Variants in FHOD3 observed in about 807,000 individuals in gnomAD.
FHOD3 encodes FH1/FH2 domain-containing protein 3.
In FHOD3, 90 loss-of-function variants were observed where a neutral mutation model predicts 173.0. That is an observed-to-expected ratio of 0.52 (90% CI 0.44 to 0.62). The LOEUF is 0.62. Among genes scored for constraint, FHOD3 ranks in the 20% least tolerant of loss-of-function variants. The probability of loss-of-function intolerance (pLI) is 0.00; values close to 1 mark genes in which losing one functional copy is unlikely to be tolerated. For synonymous variants in FHOD3, 828 were observed against 823.0 expected, an observed-to-expected ratio of 1.01 and a Z score of -0.10; for missense variants, 1,945 against 2,034.7, an observed-to-expected ratio of 0.96 and a Z score of 0.85.
chr18:36,725,739 A>G (rs948439462), intron 19 of FHOD3, among the ~76,000 whole-genome samples: 1 of 152,188 alleles, frequency 6.6e-6, no homozygotes, highest in Non-Finnish European at 1.5e-5. Context: ...TTCACTCGCC[A>G]TATCGGTTTG....
chr18:36,543,685 G>T (rs529534867), intron 5 of FHOD3, among the ~76,000 whole-genome samples: 21 of 152,272 alleles, frequency 1.4e-4, no homozygotes, highest in Admixed American at 1.0e-3. Flanking sequence ...CAAGCCCCGC[G>T]TACTGGCCTC....
intron 19 of FHOD3, among the ~76,000 whole-genome samples, chr18:36,722,326 C>A (rs2040834574): frequency 6.6e-6 from 1 of 152,116 alleles, no homozygotes; most frequent in East Asian, 1.9e-4. Flanking sequence ...AACCCTTGTA[C>A]CTAACCAGGG....
At chr18:36,307,932 A>G (rs1430592605) in intron 1 of FHOD3, among the ~76,000 whole-genome samples, 1 of 152,196 alleles carries the variant, frequency 6.6e-6, no homozygotes, top group Non-Finnish European at 1.5e-5. Flanking sequence ...ATTCATAATA[A>G]TATCTGAATA....
chr18:36,571,114 G>T (rs996427941), intron 5 of FHOD3, among the ~76,000 whole-genome samples: 8 of 151,920 alleles, frequency 5.3e-5, no homozygotes, highest in African/African-American at 1.9e-4. Flanking sequence ...CAAAATTCCA[G>T]GAAATCTACA....
At chr18:36,476,039 T>C (rs780398958) in intron 3 of FHOD3, among the ~76,000 whole-genome samples, 1 of 152,166 alleles carries the variant, frequency 6.6e-6, no homozygotes, top group Non-Finnish European at 1.5e-5. Context: ...TTCACTAATA[T>C]AGTGATTATT....
intron 3 of FHOD3, among the ~76,000 whole-genome samples, chr18:36,462,405 C>T (rs1431146573): frequency 1.3e-5 from 2 of 151,900 alleles, no homozygotes; most frequent in Non-Finnish European, 2.9e-5. Flanking sequence ...TATCTCGGCT[C>T]ACTGCAAGCT....
chr18:36,744,987 C>G (rs2042080457), intron 23 of FHOD3, among the ~76,000 whole-genome samples: 1 of 152,190 alleles, frequency 6.6e-6, no homozygotes, highest in Non-Finnish European at 1.5e-5. Context: ...CTTCTAGAAA[C>G]ACTCCTGGCT....
chr18:36,452,909 T>C (rs1179701951), intron 3 of FHOD3, among the ~76,000 whole-genome samples: 4 of 152,188 alleles, frequency 2.6e-5, no homozygotes, highest in Non-Finnish European at 4.4e-5. Flanking sequence ...ATATTTTCTC[T>C]ATCCATTCAC....
chr18:36,399,016 G>T (rs568142718), intron 3 of FHOD3, among the ~76,000 whole-genome samples: 2 of 152,060 alleles, frequency 1.3e-5, no homozygotes, highest in African/African-American at 4.8e-5. Context: ...TGTGATCTAG[G>T]ACTTATTTGT....
chr18:36,675,435 A>G (rs1941821), intron 14 of FHOD3, among the ~76,000 whole-genome samples: 3 of 149,400 alleles, frequency 2.0e-5, no homozygotes, highest in Non-Finnish European at 4.4e-5. Context: ...GGGCCTCCCC[A>G]CCTCCAGGCC....
intron 3 of FHOD3, among the ~76,000 whole-genome samples, chr18:36,430,229 T>C (rs1428367058): frequency 6.6e-6 from 1 of 152,228 alleles, no homozygotes; most frequent in African/African-American, 2.4e-5. Context: ...CAGATTTTGT[T>C]TTTTGAGACA....
chr18:36,542,301 G>A (rs1008744505), intron 5 of FHOD3, among the ~76,000 whole-genome samples: 4 of 152,046 alleles, frequency 2.6e-5, no homozygotes, highest in Admixed American at 1.3e-4. Context: ...GGATGTCAGG[G>A]GTGGGGGTAG....
intron 1 of FHOD3, among the ~76,000 whole-genome samples, chr18:36,326,592 A>G (rs2044682212): frequency 6.6e-6 from 1 of 152,038 alleles, no homozygotes; most frequent in Non-Finnish European, 1.5e-5. Context: ...ACAGAGTGAG[A>G]GCCTGTCTCT....
At chr18:36,415,972 ATTTG>A (rs2049622032) in intron 3 of FHOD3, among the ~76,000 whole-genome samples, 1 of 152,166 alleles carries the variant, frequency 6.6e-6, no homozygotes, top group African/African-American at 2.4e-5. Context: ...CTGGAAACAA[ATTTG>A]TTTTTCAGAC....
At chr18:36,501,670 C>G (rs1003808093) in intron 3 of FHOD3, among the ~76,000 whole-genome samples, 1 of 152,196 alleles carries the variant, frequency 6.6e-6, no homozygotes, top group Non-Finnish European at 1.5e-5. Flanking sequence ...GAGTGGATTT[C>G]TACCTGTTTG....
At chr18:36,409,081 C>A (rs968830877) in intron 3 of FHOD3, among the ~76,000 whole-genome samples, 9 of 152,100 alleles carry the variant, frequency 5.9e-5, no homozygotes, top group African/African-American at 2.2e-4. Context: ...TGCTTCTCAC[C>A]GGGCTGAGTC....
chr18:36,304,351 T>C (rs1218426083), intron 1 of FHOD3, among the ~76,000 whole-genome samples: 1 of 152,146 alleles, frequency 6.6e-6, no homozygotes, highest in Non-Finnish European at 1.5e-5. Flanking sequence ...GGATAGACTG[T>C]GAGTTAAAGT....
chr18:36,446,282 A>G (rs1198522554), intron 3 of FHOD3, among the ~76,000 whole-genome samples: 2 of 152,120 alleles, frequency 1.3e-5, no homozygotes, highest in Non-Finnish European at 2.9e-5. Flanking sequence ...TCTCAGAATG[A>G]CAGGTCATCA....
chr18:36,769,183 A>G, intron 27 of FHOD3, 82 bp from the exon 28 acceptor site: 2 of 1,509,852 alleles, frequency 1.3e-6, no homozygotes, highest in South Asian at 2.5e-5. Flanking sequence ...AAAGAACTCA[A>G]CTGCTTGGAG....
Sources: allele counts gnomAD v4.1 joint callset (sites outside exome capture counted in the v4.1 genomes callset), GRCh38; gene constraint gnomAD v4.1.1; transcripts MANE v1.5; gene names NCBI Gene and HGNC (gene_info 2026-07-23, HGNC 2026-07-21).